Variants in MGAM observed in about 807,000 individuals in gnomAD.
The protein encoded by MGAM is alpha-1,4-glucosidase.
In MGAM, 253 loss-of-function variants were observed where a neutral mutation model predicts 358.8. The observed-to-expected ratio is 0.71, with a 90% CI of 0.64 to 0.78. The LOEUF is 0.78. Ranked by LOEUF, MGAM falls within the 30% of genes least tolerant of loss-of-function variation. The pLI is 0.00. For missense variants in MGAM, 3,080 were observed against 3,432.6 expected, an observed-to-expected ratio of 0.90 and a Z score of 2.57; for synonymous variants, 1,105 against 1,227.1, an observed-to-expected ratio of 0.90 and a Z score of 2.08.
intron 2 of MGAM, among the ~76,000 whole-genome samples, chr7:141,989,384 T>A (rs1803845530): frequency 6.6e-6 from 1 of 152,144 alleles, no homozygotes; most frequent in Non-Finnish European, 1.5e-5. Flanking sequence ...TTATGTCAGC[T>A]TAGGCTCAAA....
chr7:142,030,258 C>A, intron 10 of MGAM, 104 bp from the exon 11 acceptor site: 2 of 1,200,140 alleles, frequency 1.7e-6, no homozygotes, highest in Non-Finnish European at 2.3e-6. Context: ...CTATTTAGAG[C>A]CCAGAACAGA....
intron 65 of MGAM, among the ~76,000 whole-genome samples, chr7:142,096,833 T>C (rs1256395331): frequency 6.6e-6 from 1 of 152,172 alleles, no homozygotes; most frequent in Non-Finnish European, 1.5e-5. Context: ...TCCCTTCCTC[T>C]GCAGGAGCTC....
chr7:142,074,777 T>C (rs1455256268), intron 45 of MGAM, among the ~76,000 whole-genome samples: 1 of 146,546 alleles, frequency 6.8e-6, no homozygotes, highest in Non-Finnish European at 1.5e-5. Context: ...AATATGTAGA[T>C]TAAAAATTAA....
In MGAM at chr7:142,052,341, A is replaced by G. The variant is rs1811068855; in HGVS notation, c.2853A>G (p.Thr951=). ...ATCTTCTCCTGGGAGAAGCATACAC[A>G]GTGGAATGGAGCATAAAGATAAGGG... ...DIDLLLGEAY[T]VEWSIKIRDE... is the part of the protein sequence containing the mutation. Residue 951 remains threonine, a synonymous_variant, in exon 25 of 71, where the codon ACA becomes ACG. Transcript: ENST00000475668. 1.2e-5 allele frequency: 19 copies of G among 1,609,922 alleles called. No individual in the cohort carries two copies. The highest frequency in any genetic ancestry group is 1.6e-5 in the Non-Finnish European group (19 of 1,177,864).
At chr7:141,998,186 A>G (rs1804424964) in intron 1 of MGAM, among the ~76,000 whole-genome samples, 1 of 152,228 alleles carries the variant, frequency 6.6e-6, no homozygotes. Context: ...TATACTAAAT[A>G]ATTCAAGAAG....
Position 142,074,100 on chromosome 7 carries a change from T to A in MGAM, c.5202T>A (p.Leu1734=). ...LNTHLSRKNP[L]GLIIALDENK... ...TTCCCCACAGTCGAAAGAACCCTCTTGGTCTTATTATTGCCCTAGATGAAA... is the reference window on the plus strand; with the variant it reads ...TTCCCCACAGTCGAAAGAACCCTCTAGGTCTTATTATTGCCCTAGATGAAA... The change falls in exon 45 of 71, where the codon CTT becomes CTA. Residue 1734 remains leucine, a synonymous_variant. Transcript: ENST00000475668. The A allele has an allele frequency of 1.3e-6, 2 of 1,542,696 alleles. 1 individual carries two copies. The highest frequency in any genetic ancestry group is 1.8e-6 in the Non-Finnish European group (2 of 1,123,914).
At position 142,054,912 on chromosome 7, in the gene MGAM, A is replaced by G; in HGVS notation, c.3314+4A>G. ...GGAAGAGTACAGGCACTATAATGTG[A>G]GTGGCTTCTAGTGTGACTCAGAGTT... is the stretch of plus-strand genomic sequence containing the variant. On this transcript the variant is annotated splice_donor_region_variant and intron_variant, in intron 27 of 70. Coordinates refer to ENST00000475668, the MANE Select transcript of MGAM (RefSeq NM_001365693.1). 6.2e-7 allele frequency: 1 copy of G among 1,613,128 alleles called. No homozygotes were observed. Among genetic ancestry groups the G allele is most frequent in the Non-Finnish European group, 8.5e-7 (1 of 1,179,432 alleles).
chr7:142,033,316 T>C (rs1554464492), intron 14 of MGAM, among the ~76,000 whole-genome samples: 1 of 152,174 alleles, frequency 6.6e-6, no homozygotes, highest in East Asian at 1.9e-4. Flanking sequence ...TGTGAAGAAC[T>C]GAGTTACAGG....
intron 12 of MGAM, among the ~76,000 whole-genome samples, chr7:142,031,430 A>C (rs1554463738): frequency 6.6e-6 from 1 of 152,198 alleles, no homozygotes; most frequent in East Asian, 1.9e-4. Flanking sequence ...AAGATGACTA[A>C]GTTAGACAAT....
At chr7:142,033,334 G>C (rs1055177446) in intron 14 of MGAM, among the ~76,000 whole-genome samples, 1 of 152,156 alleles carries the variant, frequency 6.6e-6, no homozygotes, top group African/African-American at 2.4e-5. Flanking sequence ...AGGATGAAAA[G>C]ACAGAACTCA....
intron 45 of MGAM, among the ~76,000 whole-genome samples, chr7:142,075,964 C>G (rs1179391014): frequency 6.8e-6 from 1 of 146,176 alleles, no homozygotes; most frequent in African/African-American, 2.4e-5. Flanking sequence ...AAACCAGTAT[C>G]TTTAAGAGAT....
At position 142,050,802 on chromosome 7, in the gene MGAM, G is replaced by T. The variant is rs761413101; in HGVS notation, c.2743G>T (p.Val915Leu). ...GACGGAGGAACCTAGCAATGTTACA[G>T]TGAAACACAATGGTGTCCCAAGTCA... is the stretch of plus-strand genomic sequence containing the variant. ...LGTEEPSNVT[V>L]KHNGVPSQTS... Residue 915 changes from valine (V) to leucine (L), a missense_variant, in exon 24 of 71, where the codon GTG becomes TTG. Coordinates refer to ENST00000475668, the MANE Select transcript of MGAM (RefSeq NM_001365693.1). 6.2e-7 allele frequency: 1 copy of T among 1,613,854 alleles called. No homozygotes were observed. Among genetic ancestry groups the T allele is most frequent in the Admixed American group, 1.7e-5 (1 of 60,006 alleles).
Position 142,036,912 on chromosome 7 carries a change from C to A in MGAM, c.2166C>A (p.Tyr722Ter). ...YLNIRYTLLPYLYTLFFRAHS... is the reference protein window; with the variant it reads ...YLNIRYTLLP Reference sequence around the variant, plus strand: ...ACATCCGCTATACTCTATTGCCCTACCTATACACCCTCTTCTTCCGTGCTC... The same window carrying A: ...ACATCCGCTATACTCTATTGCCCTAACTATACACCCTCTTCTTCCGTGCTC... Residue 722 changes from tyrosine (Y) to a stop codon, truncating the protein, a stop_gained, in exon 18 of 71, where the codon TAC becomes TAA. Transcript: ENST00000475668. LOFTEE classifies it high-confidence loss of function. 1.2e-6 allele frequency: 2 copies of A among 1,613,808 alleles called. No homozygotes were observed. Among genetic ancestry groups the A allele is most frequent in the South Asian group, 1.1e-5 (1 of 91,074 alleles).
At chr7:142,097,564 T>C (rs746739423) in intron 65 of MGAM, 29 bp from the exon 66 acceptor site, 2 of 1,603,494 alleles carry the variant, frequency 1.2e-6, no homozygotes, top group Admixed American at 3.3e-5. Context: ...ATGGTGCCAC[T>C]GCCACACCTT....
At chr7:142,097,448 A>G in intron 65 of MGAM, 145 bp from the exon 66 acceptor site, 1 of 729,098 alleles carries the variant, frequency 1.4e-6, no homozygotes, top group Non-Finnish European at 2.4e-6. Context: ...AAGGGATGGA[A>G]GGTTTCCTCA....
chr7:141,987,711 A>G (rs1384119795), intron 2 of MGAM, among the ~76,000 whole-genome samples: 4 of 152,168 alleles, frequency 2.6e-5, no homozygotes, highest in African/African-American at 7.2e-5. Context: ...GATTGGAGGG[A>G]TTCCCGTTTG....
intron 7 of MGAM, among the ~76,000 whole-genome samples, chr7:142,024,580 G>C (rs751384794): frequency 2.0e-5 from 3 of 152,120 alleles, no homozygotes; most frequent in Non-Finnish European, 2.9e-5. Context: ...TCTACCTCTA[G>C]GGATTCTGTT....
At chr7:142,018,272 G>C (rs1554456947) in intron 3 of MGAM, among the ~76,000 whole-genome samples, 1 of 152,154 alleles carries the variant, frequency 6.6e-6, no homozygotes, top group African/African-American at 2.4e-5. Context: ...GTTGGATTGA[G>C]AGCCTCAGTT....
chr7:142,095,185 G>T (rs572380331), intron 63 of MGAM, among the ~76,000 whole-genome samples: 2 of 152,044 alleles, frequency 1.3e-5, no homozygotes, highest in African/African-American at 4.8e-5. Context: ...AGCTTGTCTC[G>T]AACTCGTGGC....
Sources: allele counts gnomAD v4.1 joint callset (sites outside exome capture counted in the v4.1 genomes callset), GRCh38; gene constraint gnomAD v4.1.1; transcripts MANE v1.5; gene names NCBI Gene and HGNC (gene_info 2026-07-23, HGNC 2026-07-21).